Variants in FOSL1 observed in about 807,000 individuals in gnomAD.
The protein encoded by FOSL1 is FOS like 1, AP-1 transcription factor subunit.
A neutral mutation model predicts 24.9 loss-of-function variants in FOSL1; 14 were observed. That is an observed-to-expected ratio of 0.56 (90% confidence interval 0.37 to 0.88). The LOEUF is 0.88. FOSL1 is among the 40% of genes least tolerant of loss of function. The pLI is 0.00. For synonymous variants in FOSL1, 133 were observed against 145.1 expected (o/e 0.92, Z 0.60); for missense variants, 318 against 359.8 (o/e 0.88, Z 0.94).
rs2134786792 is a variant in FOSL1, at chr11:65,892,404, C to T, written c.*482G>A. On this transcript the variant is annotated 3_prime_UTR_variant, in exon 4 of 4. Transcript: ENST00000312562. ...AGGGCGCCTCCTGAGCTGTGCGGTT[C>T]AGGAGGGGGCGGCAGAATGGCCTGG... 2.8e-6 allele frequency: 1 copy of T among 362,554 alleles called. No homozygotes were observed. Among genetic ancestry groups the T allele is most frequent in the African/African-American group, 2.1e-5 (1 of 47,016 alleles). The allele number at this position is 362,554 out of a possible 1,614,324, so 22.5% of individuals were successfully genotyped here.
intron 2 of FOSL1, 29 bp downstream of exon 2, chr11:65,896,780 G>C (rs199745694): frequency 1.3e-6 from 2 of 1,554,164 alleles, no homozygotes; most frequent in Admixed American, 3.7e-5. Flanking sequence ...GGGCGGGGTC[G>C]GAACCACTGC....
Position 65,893,086 on chromosome 11 carries a change from G to A in FOSL1, c.616C>T (p.Pro206Ser), listed in dbSNP as rs1424127748. ...GCCTCAGGTTCAAGCACAGGCCCTGGGGAAAGGGAGATACAAGGTACAGGG... is the reference window on the plus strand; with the variant it reads ...GCCTCAGGTTCAAGCACAGGCCCTGAGGAAAGGGAGATACAAGGTACAGGG... ...CRPVPCISLS[P>S]GPVLEPEALH... The change falls in exon 4 of 4, where the codon CCA becomes TCA. Residue 206 changes from proline to serine, a missense_variant. Physicochemically the swap from Pro to Ser is moderately conservative, Grantham distance 74. Coordinates refer to ENST00000312562, the MANE Select transcript of FOSL1 (RefSeq NM_005438.5). 6.2e-7 allele frequency: 1 copy of A among 1,612,484 alleles called. No individual in the cohort carries two copies. The highest frequency in any genetic ancestry group is 8.5e-7 in the Non-Finnish European group (1 of 1,179,554).
intron 1 of FOSL1, among the ~76,000 whole-genome samples, chr11:65,898,760 G>T (rs1284641052): frequency 6.6e-6 from 1 of 152,060 alleles, no homozygotes; most frequent in Non-Finnish European, 1.5e-5. Context: ...GGAGTTTGAG[G>T]TCACACCGGG....
upstream of FOSL1, chr11:65,900,524 C>G (rs764430390): frequency 2.6e-6 from 1 of 391,718 alleles, no homozygotes. Flanking sequence ...CGCCTTGGCC[C>G]GTCGGTCCCG....
At chr11:65,896,682 G>T in intron 2 of FOSL1, 127 bp downstream of exon 2, 1 of 705,210 alleles carries the variant, frequency 1.4e-6, no homozygotes, top group Non-Finnish European at 2.3e-6. Context: ...TTTCAGCCTT[G>T]GGCAGTAGTC....
intron 2 of FOSL1, among the ~76,000 whole-genome samples, chr11:65,895,784 C>G (rs754738898): frequency 3.3e-5 from 5 of 152,156 alleles, no homozygotes; most frequent in African/African-American, 4.8e-5. Context: ...TTCCCAGGGC[C>G]CTAACCTCTC....
intron 1 of FOSL1, 45 bp from the exon 2 acceptor site, chr11:65,897,051 T>C (rs1364276789): frequency 2.7e-6 from 4 of 1,457,988 alleles, no homozygotes; most frequent in Admixed American, 3.4e-5. Context: ...TCCGTGTGGA[T>C]TGAGGGGCTT....
intron 1 of FOSL1, among the ~76,000 whole-genome samples, chr11:65,899,840 A>T (rs1860627479): frequency 6.6e-6 from 1 of 151,872 alleles, no homozygotes; most frequent in African/African-American, 2.4e-5. Flanking sequence ...GGGGACCCTC[A>T]CCCCAGCCCA....
At chr11:65,899,890 C>G (rs1343770851) in intron 1 of FOSL1, among the ~76,000 whole-genome samples, 2 of 152,308 alleles carry the variant, frequency 1.3e-5, no homozygotes, top group East Asian at 3.9e-4. Flanking sequence ...GCGGAGAGAC[C>G]CTCCTAGCCT....
chr11:65,892,508 G>C lies in FOSL1; in HGVS notation c.*378C>G. The C allele has an allele frequency of 2.1e-6, 1 of 473,076 alleles. No homozygotes were observed. The highest frequency in any genetic ancestry group is 4.2e-6 in the Non-Finnish European group (1 of 239,660). The allele number at this position is 473,076 out of a possible 1,614,324, so 29.3% of individuals were successfully genotyped here. ...GGTAAAGTGGCACCTTCTGTCAGGA[G>C]ATAGGGTTGGGTGGATCACAGGAAG... On this transcript the variant is annotated 3_prime_UTR_variant, in exon 4 of 4. Transcript: ENST00000312562.
chr11:65,893,294 C>A lies in FOSL1; in HGVS notation c.408G>T (p.Glu136Asp). The A allele has an allele frequency of 6.2e-7, 1 of 1,604,898 alleles. No homozygotes were observed. The highest frequency in any genetic ancestry group is 8.5e-7 in the Non-Finnish European group (1 of 1,175,602). The part of the protein sequence containing the change: ...RKELTDFLQA[E>D]TDKLEDEKSG... ...ATTTCTCATCTTCCAGTTTGTCAGTCTCCTGTAGAAGATCAGGAGAGGAGT... is the reference window on the plus strand; with the variant it reads ...ATTTCTCATCTTCCAGTTTGTCAGTATCCTGTAGAAGATCAGGAGAGGAGT... The change falls in exon 4 of 4, where the codon GAG becomes GAT. Residue 136 changes from glutamate (E) to aspartate (D), a missense_variant and splice_region_variant. By Grantham distance (45) the Glu-to-Asp change is conservative. Transcript: ENST00000312562.
rs577453824 is a variant in FOSL1, at chr11:65,899,100, C to G, written c.99+1141G>C. Reference sequence around the variant, plus strand: ...ATGTAGCAAGCGCCCAGCACAACGTCCCTGTTCCCATTCTATCAGCCAGCT... The same window carrying G: ...ATGTAGCAAGCGCCCAGCACAACGTGCCTGTTCCCATTCTATCAGCCAGCT... On this transcript the variant is annotated intron_variant, in intron 1 of 3. Coordinates refer to ENST00000312562, the MANE Select transcript of FOSL1 (RefSeq NM_005438.5). Among the ~76,000 whole-genome samples the G allele has an allele frequency of 3.9e-5, 6 of 152,250 alleles. No homozygotes were observed. In the South Asian group the frequency reaches 1.0e-3, roughly 26 times the overall value.
Position 65,893,051 on chromosome 11 carries a change from G to T in FOSL1, c.651C>A (p.Thr217=). Residue 217 remains threonine (T), a synonymous_variant, in exon 4 of 4, where the codon ACC becomes ACA. Transcript: ENST00000312562. ...GPVLEPEALH[T]PTLMTTPSLT... ...GGGAGGGTGTGGTCATGAGTGTGGG[G>T]GTGTGCAGTGCCTCAGGTTCAAGCA... 1 of 1,611,736 alleles carries T rather than the reference G, an allele frequency of 6.2e-7. No homozygotes were observed. The highest frequency in any genetic ancestry group is 1.1e-5 in the South Asian group (1 of 90,930).
intron 2 of FOSL1, among the ~76,000 whole-genome samples, chr11:65,894,648 G>GATTTT (rs950966688): frequency 1.3e-5 from 2 of 152,100 alleles, no homozygotes; most frequent in Admixed American, 6.6e-5. Flanking sequence ...AACATGCAAA[G>GATTTT]ATTTTATTTT....
rs1860408663 is a variant in FOSL1 at position 65,892,462 on chromosome 11, G to A, written c.*424C>T. The A allele has an allele frequency of 1.5e-5, 6 of 403,744 alleles. No homozygotes were observed. The highest frequency in any genetic ancestry group is 3.0e-5 in the Admixed American group (1 of 33,796). The allele number at this position is 403,744 out of a possible 1,614,324, so 25.0% of individuals were successfully genotyped here. On this transcript the variant is annotated 3_prime_UTR_variant, in exon 4 of 4. Coordinates refer to ENST00000312562, the MANE Select transcript of FOSL1 (RefSeq NM_005438.5). The stretch of plus-strand genomic sequence containing the variant: ...ACCTGCTGCTGCTGGCAGTGGGGCT[G>A]GTGAGTTAGTGTTCTAGGTGGGTAA...
At position 65,896,839 on chromosome 11, in the gene FOSL1, A is replaced by T. The variant is rs745369622; in HGVS notation, c.267T>A (p.Pro89=). 3.1e-6 allele frequency: 5 copies of T among 1,611,620 alleles called. No individual in the cohort carries two copies. In the African/African-American group the frequency reaches 6.7e-5, roughly 22 times the overall value. ...RPGVIRALGP[P]PGVRRRPCEQ... ...CACAAGGCCTTCGACGTACCCCTGG[A>T]GGCGGCCCCAGGGCCCGGATGACTC... Residue 89 remains proline, a synonymous_variant, in exon 2 of 4, where the codon CCT becomes CCA. Coordinates refer to ENST00000312562, the MANE Select transcript of FOSL1 (RefSeq NM_005438.5).
At chr11:65,899,738 A>G (rs949063754) in intron 1 of FOSL1, among the ~76,000 whole-genome samples, 1 of 152,182 alleles carries the variant, frequency 6.6e-6, no homozygotes, top group Non-Finnish European at 1.5e-5. Flanking sequence ...AAGGACAGAC[A>G]GACGGACGGA....
At chr11:65,899,544 A>G (rs1860618498) in intron 1 of FOSL1, among the ~76,000 whole-genome samples, 1 of 152,126 alleles carries the variant, frequency 6.6e-6, no homozygotes, top group Admixed American at 6.5e-5. Flanking sequence ...AGGGGCTGAG[A>G]GTGGGGTCGC....
In FOSL1 at chr11:65,892,925, G is replaced by A. The variant is rs376361558; in HGVS notation, c.777C>T (p.Ser259=). Residue 259 remains serine (S), a synonymous_variant, in exon 4 of 4, where the codon TCC becomes TCT. Transcript: ENST00000312562. The stretch of plus-strand genomic sequence containing the variant: ...GGGTTGGAGAGCCAAGGGGGTCAGA[G>A]GATGGGTCTCCGCTGCTGCTGCTAC... ...RKSSSSSGDP[S]SDPLGSPTLL... is the part of the protein sequence containing the mutation. 3.7e-6 allele frequency: 6 copies of A among 1,612,330 alleles called. No homozygotes were observed. Among genetic ancestry groups the A allele is most frequent in the South Asian group, 2.2e-5 (2 of 90,994 alleles).
Sources: gnomAD v4.1 joint callset for allele counts (sites outside exome capture counted in the v4.1 genomes callset) on GRCh38, gnomAD v4.1.1 for gene constraint, MANE v1.5 for transcripts, NCBI Gene and HGNC (gene_info 2026-07-23, HGNC 2026-07-21) for gene names.